Variants in SGCD observed in about 807,000 individuals in gnomAD.
The protein encoded by SGCD is delta-sarcoglycan.
SGCD carries 18 observed loss-of-function variants against 36.6 expected under a neutral mutation model. The observed-to-expected ratio is 0.49, with a 90% CI of 0.34 to 0.73. SGCD has a LOEUF of 0.73. Ranked by LOEUF, SGCD falls within the 30% of genes least tolerant of loss-of-function variation. The pLI, the probability that SGCD is intolerant of heterozygous loss-of-function variation, is 0.01. For missense variants in SGCD, 387 were observed against 346.7 expected, an observed-to-expected ratio of 1.12 and a Z score of -0.92; for synonymous variants, 133 against 130.6, an observed-to-expected ratio of 1.02 and a Z score of -0.12.
intron 3 of SGCD, among the ~76,000 whole-genome samples, chr5:156,178,186 G>A (rs1763517622): frequency 6.6e-6 from 1 of 152,002 alleles, no homozygotes; most frequent in African/African-American, 2.4e-5. Context: ...CTGAATGCAT[G>A]TGGCTTTCTC....
At chr5:156,528,921 C>T (rs564406640) in intron 4 of SGCD, among the ~76,000 whole-genome samples, 33 of 152,268 alleles carry the variant, frequency 2.2e-4, no homozygotes, top group African/African-American at 7.7e-4. Flanking sequence ...AAGAACATCC[C>T]AGCTGTCTAG....
intron 4 of SGCD, among the ~76,000 whole-genome samples, chr5:156,514,511 A>G (rs1757076691): frequency 6.6e-6 from 1 of 152,248 alleles, no homozygotes; most frequent in South Asian, 2.1e-4. Flanking sequence ...AACTTACATT[A>G]GGAGAATAAA....
At chr5:156,109,560 C>A (rs781657085) in intron 1 of SGCD, among the ~76,000 whole-genome samples, 11 of 152,136 alleles carry the variant, frequency 7.2e-5, no homozygotes, top group East Asian at 1.9e-4. Context: ...TCAAAATATG[C>A]AACTCATCCA....
intron 1 of SGCD, among the ~76,000 whole-genome samples, chr5:155,904,301 G>A (rs1473307428): frequency 1.3e-5 from 2 of 152,154 alleles, no homozygotes; most frequent in East Asian, 3.8e-4. Context: ...ACTTACCACT[G>A]CAATGCGTAA....
intron 3 of SGCD, among the ~76,000 whole-genome samples, chr5:156,369,755 AT>A (rs1410783806): frequency 1.3e-5 from 2 of 152,238 alleles, no homozygotes; most frequent in East Asian, 1.9e-4. Context: ...GGTTTGTGGG[AT>A]TTTTTTAATA....
the SGCD span, among the ~76,000 whole-genome samples, chr5:155,773,700 G>T: frequency 6.6e-6 from 1 of 152,168 alleles, no homozygotes; most frequent in Non-Finnish European, 1.5e-5. Flanking sequence ...CAGGGAGTAT[G>T]TCTAGGGGTA....
intron 4 of SGCD, among the ~76,000 whole-genome samples, chr5:156,561,840 A>C (rs985485153): frequency 6.6e-6 from 1 of 152,182 alleles, no homozygotes; most frequent in East Asian, 1.9e-4. Context: ...CAACTCTCAC[A>C]TTCATGATCT....
intron 3 of SGCD, among the ~76,000 whole-genome samples, chr5:156,351,572 A>G (rs1769256077): frequency 6.6e-6 from 1 of 151,504 alleles, no homozygotes; most frequent in South Asian, 2.1e-4. Context: ...CACATAGTAA[A>G]CACTTTATAG....
At chr5:156,576,316 G>A (rs1179474775) in intron 4 of SGCD, among the ~76,000 whole-genome samples, 1 of 152,130 alleles carries the variant, frequency 6.6e-6, no homozygotes, top group East Asian at 1.9e-4. Context: ...TCTTCATCCA[G>A]TCTATCATTG....
At chr5:155,877,300 A>G (rs1755787459) in intron 1 of SGCD, among the ~76,000 whole-genome samples, 2 of 152,174 alleles carry the variant, frequency 1.3e-5, no homozygotes, top group Non-Finnish European at 2.9e-5. Context: ...GTCGTCTGAT[A>G]GGGTTTGCCA....
At chr5:156,670,476 G>C (rs991289666) in intron 7 of SGCD, among the ~76,000 whole-genome samples, 1 of 152,066 alleles carries the variant, frequency 6.6e-6, no homozygotes, top group African/African-American at 2.4e-5. Context: ...CCCCTCAGTG[G>C]GATGCCCCTG....
intron 3 of SGCD, among the ~76,000 whole-genome samples, chr5:156,286,488 G>A (rs532438862): frequency 3.9e-5 from 6 of 152,220 alleles, no homozygotes; most frequent in Non-Finnish European, 8.8e-5. Context: ...GGAATACTAT[G>A]CAGCCATAGA....
At chr5:156,415,851 T>A (rs1773001899) in intron 3 of SGCD, among the ~76,000 whole-genome samples, 1 of 152,330 alleles carries the variant, frequency 6.6e-6, no homozygotes, top group South Asian at 2.1e-4. Flanking sequence ...TCTAATTTAC[T>A]TCTAATTAGG....
At chr5:156,056,726 C>T (rs1035043246) in intron 1 of SGCD, among the ~76,000 whole-genome samples, 1 of 143,570 alleles carries the variant, frequency 7.0e-6, no homozygotes, top group African/African-American at 2.5e-5. Flanking sequence ...CCCATTTAGC[C>T]AGCTGAGCGT....
At chr5:156,412,702 T>A (rs968663107) in intron 3 of SGCD, among the ~76,000 whole-genome samples, 2 of 152,090 alleles carry the variant, frequency 1.3e-5, no homozygotes, top group Non-Finnish European at 2.9e-5. Flanking sequence ...CATTCCTTAA[T>A]GTGGCAAATA....
intron 4 of SGCD, among the ~76,000 whole-genome samples, chr5:156,524,094 CTATATATATATATATATATATATATATA>C (rs60414987): frequency 0.05 from 2,045 of 40,586 alleles, 104 homozygotes; most frequent in African/African-American, 0.13. Context: ...TGAGGTCTTA[CTATATATATATATATATATATATATATA>C]TATATATATA....
At chr5:155,917,505 T>C (rs1019012849) in intron 1 of SGCD, among the ~76,000 whole-genome samples, 4 of 152,028 alleles carry the variant, frequency 2.6e-5, no homozygotes, top group African/African-American at 9.7e-5. Flanking sequence ...GAATTGAAGA[T>C]TGACAAATAA....
At chr5:156,147,595 T>C (rs994969811) in intron 3 of SGCD, among the ~76,000 whole-genome samples, 1 of 152,226 alleles carries the variant, frequency 6.6e-6, no homozygotes, top group Non-Finnish European at 1.5e-5. Flanking sequence ...AGGATGTTTG[T>C]TGAATTAATT....
intron 1 of SGCD, among the ~76,000 whole-genome samples, chr5:155,971,007 A>G (rs184616856): frequency 1.3e-5 from 2 of 152,240 alleles, no homozygotes; most frequent in Admixed American, 6.5e-5. Context: ...TCCAGACAGC[A>G]TGTCTGCATT....
Sources: gnomAD v4.1 joint callset for allele counts (sites outside exome capture counted in the v4.1 genomes callset) on GRCh38, gnomAD v4.1.1 for gene constraint, MANE v1.5 for transcripts, NCBI Gene and HGNC (gene_info 2026-07-23, HGNC 2026-07-21) for gene names.